NDUFAF7: variants seen among roughly 807,000 people sequenced by gnomAD.
NDUFAF7 encodes protein arginine methyltransferase NDUFAF7, mitochondrial.
A neutral mutation model predicts 47.2 loss-of-function variants in NDUFAF7; 48 were observed. That is an observed-to-expected ratio of 1.02 (90% confidence interval 0.81 to 1.29). The LOEUF is 1.29. Ranked by LOEUF, NDUFAF7 falls within the 50% of genes most tolerant of loss-of-function variation. The probability of loss-of-function intolerance (pLI) is 0.00; values close to 1 mark genes in which losing one functional copy is unlikely to be tolerated. For synonymous variants in NDUFAF7, 217 were observed against 190.0 expected, an observed-to-expected ratio of 1.14 and a Z score of -1.17; for missense variants, 635 against 537.6, an observed-to-expected ratio of 1.18 and a Z score of -1.79.
intron 5 of NDUFAF7, 36 bp downstream of exon 5, chr2:37,241,827 G>C (rs2148419958): frequency 6.3e-7 from 1 of 1,575,194 alleles, no homozygotes; most frequent in Middle Eastern, 1.7e-4. Context: ...AAAGAATTTT[G>C]ATCACAACCC....
At chr2:37,261,547 A>G in the NDUFAF7 span, among the ~76,000 whole-genome samples, 1 of 151,816 alleles carries the variant, frequency 6.6e-6, no homozygotes. Flanking sequence ...TTGCGAGGCC[A>G]AGGCAGGCGG....
chr2:37,233,444 T>A (rs7602924), intron 2 of NDUFAF7, among the ~76,000 whole-genome samples: 96,744 of 151,950 alleles, frequency 0.64, 31,606 homozygotes, highest in East Asian at 0.98. Flanking sequence ...CCTGACCAAC[T>A]TGGTGAAACC....
downstream of NDUFAF7, among the ~76,000 whole-genome samples, chr2:37,257,158 T>C (rs1668018353): frequency 6.6e-6 from 1 of 152,162 alleles, no homozygotes; most frequent in Non-Finnish European, 1.5e-5. Flanking sequence ...CTAGTACATA[T>C]TTCAAAAGTT....
chr2:37,260,144 A>T, the NDUFAF7 span: 3 of 1,308,944 alleles, frequency 2.3e-6, no homozygotes, highest in South Asian at 4.3e-5. Context: ...AGCCCAGGTG[A>T]CAGAGTAAGA....
chr2:37,250,377 A>C (rs1391733429), downstream of NDUFAF7: 1 of 152,178 alleles, frequency 6.6e-6, no homozygotes, highest in Non-Finnish European at 1.5e-5. Context: ...AACACCTAGA[A>C]AGTTTGATAT....
In NDUFAF7 at chr2:37,249,047, A is replaced by ACT. The variant is rs750309344; in HGVS notation, c.*702_*703dup. ...CTAGGGCAATATGTTTTGACAGAAA[A>ACT]CTCTCTAAGATTTAGTAAGTGAAAA... On this transcript the variant is annotated 3_prime_UTR_variant, in exon 10 of 10. Transcript: ENST00000002125. 2.0e-5 allele frequency: 3 copies of ACT among 152,154 alleles called. No individual in the cohort carries two copies. The highest frequency in any genetic ancestry group is 2.9e-5 in the Non-Finnish European group (2 of 68,084). The allele number at this position is 152,154 out of a possible 1,614,324, so 9.4% of individuals were successfully genotyped here.
At chr2:37,252,164 A>G (rs1462776124), downstream of NDUFAF7, 1 of 152,188 alleles carries the variant, frequency 6.6e-6, no homozygotes, top group Non-Finnish European at 1.5e-5. Flanking sequence ...GATATCTGCA[A>G]AGCCCAATAG....
At chr2:37,231,850 A>AGGGCTCGGGGGCTCAC (rs1348790356) in intron 1 of NDUFAF7, 90 bp downstream of exon 1, 81 of 1,593,654 alleles carry the variant, frequency 5.1e-5, no homozygotes, top group Non-Finnish European at 6.1e-5. Flanking sequence ...CGGGGGATCA[A>AGGGCTCGGGGGCTCAC]GGGCTCGGGG....
chr2:37,250,543 C>A (rs767819072), downstream of NDUFAF7: 1 of 151,434 alleles, frequency 6.6e-6, no homozygotes, highest in Non-Finnish European at 1.5e-5. Flanking sequence ...TTATTTTTGG[C>A]AGGTTAAAAA....
Position 37,242,628 on chromosome 2 carries a change from TA to T in NDUFAF7, c.623-4del. 6.3e-7 allele frequency: 1 copy of T among 1,577,842 alleles called. No individual in the cohort carries two copies. Among genetic ancestry groups the T allele is most frequent in the Non-Finnish European group, 8.7e-7 (1 of 1,147,644 alleles). ...GAAACATTAATTGTTTTCCTCTTTT[TA>T]AATAGGGTACAGCTTTTATCTTGCA... On this transcript the variant is annotated splice_region_variant and splice_polypyrimidine_tract_variant and intron_variant, in intron 5 of 9. Transcript: ENST00000002125.
chr2:37,251,355 G>T (rs891111485), downstream of NDUFAF7: 1 of 152,492 alleles, frequency 6.6e-6, no homozygotes, highest in African/African-American at 2.4e-5. Flanking sequence ...CATACTACTG[G>T]TCTCAAATAC....
rs774111530 is a variant in NDUFAF7 at position 37,246,157 on chromosome 2, G to A, written c.898G>A (p.Asp300Asn). 1.2e-6 allele frequency: 2 copies of A among 1,613,876 alleles called. No homozygotes were observed. The highest frequency in any genetic ancestry group is 1.1e-5 in the South Asian group (1 of 91,074). The change falls in exon 8 of 10, where the codon GAT becomes AAT. Residue 300 changes from aspartate to asparagine, a missense_variant. Physicochemically the swap from Asp to Asn is conservative, Grantham distance 23. Transcript: ENST00000002125. ...AACTGGAGGTGCTGCACTGGTTGCT[G>A]ATTATGGTCATGATGGAACAAAGAC... is the stretch of plus-strand genomic sequence containing the variant. Reference protein sequence around the residue: ...ALTGGAALVADYGHDGTKTDT... With the variant: ...ALTGGAALVANYGHDGTKTDT...
chr2:37,259,553 T>C, the NDUFAF7 span: 1 of 1,520,378 alleles, frequency 6.6e-7, no homozygotes. Flanking sequence ...GTTGCCAGAA[T>C]CATTTAAAAG....
At chr2:37,256,628 ATTTTTTTTTTTTTTT>A (rs56389006), downstream of NDUFAF7, 72 of 1,202,280 alleles carry the variant, frequency 6.0e-5, no homozygotes, top group African/African-American at 3.2e-4. Context: ...CATAGCCAAA[ATTTTTTTTTTTTTTT>A]TTTTTTTTTT....
downstream of NDUFAF7, among the ~76,000 whole-genome samples, chr2:37,255,768 G>A (rs1667881743): frequency 6.6e-6 from 1 of 152,162 alleles, no homozygotes; most frequent in African/African-American, 2.4e-5. Context: ...CACTTTGGGA[G>A]GTCAAGTTGG....
At chr2:37,258,986 A>G in the NDUFAF7 span, among the ~76,000 whole-genome samples, 30 of 152,222 alleles carry the variant, frequency 2.0e-4, no homozygotes, top group East Asian at 4.5e-3. Context: ...TGGTTGTTTC[A>G]GAATTTGGGT....
At chr2:37,267,818 G>C in the NDUFAF7 span, 1 of 334,576 alleles carries the variant, frequency 3.0e-6, no homozygotes, top group African/African-American at 2.2e-5. Context: ...ATCAATGATA[G>C]TTAATTACCC....
chr2:37,244,293 A>T lies in NDUFAF7; in HGVS notation c.792+320A>T, dbSNP rs535869674. 1.2e-4 allele frequency among the ~76,000 whole-genome samples: 19 copies of T among 152,366 alleles called. No individual in the cohort carries two copies. In the South Asian group the frequency reaches 3.9e-3, roughly 32 times the overall value. ...GGTATTGTCCACAGGAAGAGTTTAC[A>T]TCTGTGAAAGCAATGTAGTACAGAC... On this transcript the variant is annotated intron_variant, in intron 7 of 9. Transcript: ENST00000002125.
At chr2:37,234,215 G>A (rs1027158471) in intron 2 of NDUFAF7, among the ~76,000 whole-genome samples, 6 of 152,164 alleles carry the variant, frequency 3.9e-5, no homozygotes, top group African/African-American at 1.4e-4. Context: ...TCAGCCTCCC[G>A]AGTAGTTGGG....
Sources: allele counts gnomAD v4.1 joint callset (sites outside exome capture counted in the v4.1 genomes callset), GRCh38; gene constraint gnomAD v4.1.1; transcripts MANE v1.5; gene names NCBI Gene and HGNC (gene_info 2026-07-23, HGNC 2026-07-21).